PACRG: variants seen among roughly 807,000 people sequenced by gnomAD.
The protein encoded by PACRG is parkin coregulated gene protein.
In PACRG, 29 loss-of-function variants were observed where a neutral mutation model predicts 29.7. The observed-to-expected ratio is 0.98, with a 90% confidence interval of 0.73 to 1.33. The LOEUF (loss-of-function observed/expected upper bound fraction) is 1.33, where lower values mean the gene tolerates loss of function less well. PACRG is among the 40% of genes most tolerant of loss of function. The pLI is 0.00. For missense variants in PACRG, 279 were observed against 316.2 expected (o/e 0.88, Z 0.89); for synonymous variants, 116 against 118.7 (o/e 0.98, Z 0.15).
At chr6:163,268,387 G>C (rs1783614902) in intron 4 of PACRG, among the ~76,000 whole-genome samples, 1 of 125,588 alleles carries the variant, frequency 8.0e-6, no homozygotes, top group Non-Finnish European at 1.8e-5. Context: ...GGGTGACTAA[G>C]TGAGACTGTC....
intron 2 of PACRG, among the ~76,000 whole-genome samples, chr6:163,007,700 A>G (rs1805245400): frequency 1.3e-5 from 2 of 152,032 alleles, no homozygotes; most frequent in African/African-American, 4.8e-5. Flanking sequence ...TTGAGAAACT[A>G]TTTTATCTCT....
At chr6:163,272,725 T>C (rs1783878558) in intron 4 of PACRG, among the ~76,000 whole-genome samples, 1 of 152,138 alleles carries the variant, frequency 6.6e-6, no homozygotes, top group East Asian at 1.9e-4. Context: ...ATTTTGTTTT[T>C]ATCAATGGTG....
intron 2 of PACRG, among the ~76,000 whole-genome samples, chr6:162,992,134 C>T (rs1168088391): frequency 5.6e-5 from 8 of 142,080 alleles, no homozygotes; most frequent in East Asian, 3.9e-4. Context: ...CTGCTGGATT[C>T]GGTTTGCCAG....
chr6:162,789,023 T>G (rs1313287843), intron 1 of PACRG, among the ~76,000 whole-genome samples: 2 of 152,172 alleles, frequency 1.3e-5, no homozygotes, highest in Non-Finnish European at 2.9e-5. Flanking sequence ...GCCATGAAAA[T>G]AATAAATCCT....
In PACRG at chr6:162,947,304, T is replaced by C. The variant is rs12212425; in HGVS notation, c.292-114846T>C. 1.6e-3 allele frequency among the ~76,000 whole-genome samples: 86 copies of C among 55,042 alleles called. 2 individuals carry two copies. Among genetic ancestry groups the C allele is most frequent in the African/African-American group, 4.7e-3 (81 of 17,294 alleles). The allele number at this position is 55,042 out of a possible 152,430, so 36.1% of individuals were successfully genotyped here. On this transcript the variant is annotated intron_variant, in intron 2 of 4. Coordinates refer to ENST00000366888, the MANE Select transcript of PACRG (RefSeq NM_001080379.2). ...TATAATCATACATATAATCATATAA[T>C]ATATATAATCATATATAATACATAT...
chr6:162,814,393 T>C, intron 2 of PACRG, 112 bp downstream of exon 2: 2 of 1,349,294 alleles, frequency 1.5e-6, no homozygotes, highest in Non-Finnish European at 1.0e-6. Context: ...TCTCAGCACA[T>C]GGAAGATGGT....
chr6:163,230,127 G>A (rs565618656), intron 4 of PACRG, among the ~76,000 whole-genome samples: 12 of 152,252 alleles, frequency 7.9e-5, no homozygotes, highest in South Asian at 2.1e-4. Flanking sequence ...GAGAATGTAC[G>A]TCTATATATG....
chr6:163,198,411 G>A (rs930902397), intron 4 of PACRG, among the ~76,000 whole-genome samples: 1 of 152,192 alleles, frequency 6.6e-6, no homozygotes, highest in African/African-American at 2.4e-5. Flanking sequence ...TACTGCTTAT[G>A]CATCAGGCAC....
At chr6:163,258,462 A>G in intron 4 of PACRG, among the ~76,000 whole-genome samples, 1 of 152,122 alleles carries the variant, frequency 6.6e-6, no homozygotes, top group Non-Finnish European at 1.5e-5. Flanking sequence ...CATCCTCATT[A>G]AAATCAATAT....
intron 4 of PACRG, among the ~76,000 whole-genome samples, chr6:163,105,320 A>G (rs1815322354): frequency 6.6e-6 from 1 of 152,168 alleles, no homozygotes; most frequent in African/African-American, 2.4e-5. Flanking sequence ...GCGAGACACA[A>G]TCTAGCACAT....
chr6:162,879,537 T>C (rs1051334890), intron 2 of PACRG, among the ~76,000 whole-genome samples: 1 of 152,210 alleles, frequency 6.6e-6, no homozygotes, highest in Admixed American at 6.5e-5. Context: ...TACACTGATA[T>C]AGATGTACCA....
chr6:162,862,485 C>T (rs748045575), intron 2 of PACRG, among the ~76,000 whole-genome samples: 4 of 152,170 alleles, frequency 2.6e-5, no homozygotes, highest in African/African-American at 9.7e-5. Flanking sequence ...TGATGCTAGG[C>T]ACACAAGAAA....
At chr6:163,002,451 CA>C (rs1562821044) in intron 2 of PACRG, among the ~76,000 whole-genome samples, 1 of 152,008 alleles carries the variant, frequency 6.6e-6, no homozygotes, top group Non-Finnish European at 1.5e-5. Context: ...TCATTTGAAC[CA>C]AACAACAGAG....
chr6:162,871,762 C>CA (rs1270448459), intron 2 of PACRG, among the ~76,000 whole-genome samples: 2 of 151,860 alleles, frequency 1.3e-5, no homozygotes, highest in East Asian at 1.9e-4. Flanking sequence ...ACTAAAAATA[C>CA]AAAAAATTAG....
At chr6:162,870,023 G>A (rs905772114) in intron 2 of PACRG, among the ~76,000 whole-genome samples, 2 of 152,192 alleles carry the variant, frequency 1.3e-5, no homozygotes, top group African/African-American at 4.8e-5. Flanking sequence ...CTCATTAAAA[G>A]ATGATCTGCC....
At chr6:162,749,349 T>A (rs2128277543) in intron 1 of PACRG, among the ~76,000 whole-genome samples, 1 of 152,288 alleles carries the variant, frequency 6.6e-6, no homozygotes, top group South Asian at 2.1e-4. Flanking sequence ...TGTCAGCTTT[T>A]CCTCGGCTGG....
At chr6:163,024,914 G>T (rs1326319000) in intron 2 of PACRG, among the ~76,000 whole-genome samples, 1 of 152,096 alleles carries the variant, frequency 6.6e-6, no homozygotes, top group East Asian at 1.9e-4. Flanking sequence ...TGCAGGGCTG[G>T]TTCAACATAT....
chr6:162,837,897 TA>T (rs1456017131), intron 2 of PACRG, among the ~76,000 whole-genome samples: 1 of 152,088 alleles, frequency 6.6e-6, no homozygotes, highest in Non-Finnish European at 1.5e-5. Flanking sequence ...GCCATATATT[TA>T]AATAAATTAT....
intron 4 of PACRG, among the ~76,000 whole-genome samples, chr6:163,217,235 C>T (rs16888819): frequency 0.18 from 27,852 of 152,090 alleles, 2,907 homozygotes; most frequent in African/African-American, 0.28. Context: ...GGTATGATGC[C>T]CAAAGGCTAA....
Sources: gnomAD v4.1 joint callset for allele counts (sites outside exome capture counted in the v4.1 genomes callset) on GRCh38, gnomAD v4.1.1 for gene constraint, MANE v1.5 for transcripts, NCBI Gene and HGNC (gene_info 2026-07-23, HGNC 2026-07-21) for gene names.